Variants in NCOA2 observed in about 807,000 individuals in gnomAD.
NCOA2 encodes nuclear receptor coactivator 2.
NCOA2 carries 21 observed loss-of-function variants against 145.1 expected under a neutral mutation model. The observed-to-expected ratio is 0.14, with a 90% CI of 0.10 to 0.21. The LOEUF is 0.21. NCOA2 is among the 10% of genes least tolerant of loss of function. The pLI is 1.00. For synonymous variants in NCOA2, 619 were observed against 637.5 expected (o/e 0.97, Z 0.44); for missense variants, 1,472 against 1,837.6 (o/e 0.80, Z 3.64).
chr8:70,185,994 A>G (rs574176124), intron 4 of NCOA2, among the ~76,000 whole-genome samples: 1 of 151,660 alleles, frequency 6.6e-6, no homozygotes, highest in East Asian at 1.9e-4. Context: ...TTTTTAACCT[A>G]TTAGAAACTA....
At chr8:70,432,321 T>C in the NCOA2 span, among the ~76,000 whole-genome samples, 3 of 152,298 alleles carry the variant, frequency 2.0e-5, no homozygotes, top group East Asian at 5.8e-4. Context: ...GATGAGAGGG[T>C]CTTCATTTCA....
chr8:70,334,360 A>G (rs1024409530), intron 1 of NCOA2, among the ~76,000 whole-genome samples: 1 of 152,062 alleles, frequency 6.6e-6, no homozygotes, highest in Non-Finnish European at 1.5e-5. Context: ...CCTTCCCTGT[A>G]TCTTTCTGTG....
intron 1 of NCOA2, among the ~76,000 whole-genome samples, chr8:70,308,742 A>G (rs1828084568): frequency 6.6e-6 from 1 of 152,214 alleles, no homozygotes; most frequent in African/African-American, 2.4e-5. Flanking sequence ...AAGAGGAGCT[A>G]TTACCATTTG....
intron 2 of NCOA2, among the ~76,000 whole-genome samples, chr8:70,250,925 A>C (rs1409714094): frequency 6.6e-6 from 1 of 152,226 alleles, no homozygotes; most frequent in African/African-American, 2.4e-5. Flanking sequence ...TTATATGTTA[A>C]ATACATTTTT....
At chr8:70,388,865 A>G (rs917227616) in intron 1 of NCOA2, among the ~76,000 whole-genome samples, 5 of 152,196 alleles carry the variant, frequency 3.3e-5, no homozygotes, top group Non-Finnish European at 5.9e-5. Flanking sequence ...ACAGTTTACA[A>G]TTACTTAGTG....
intron 1 of NCOA2, chr8:70,402,622 C>G (rs1010832107): frequency 6.6e-6 from 1 of 151,946 alleles, no homozygotes; most frequent in Non-Finnish European, 1.5e-5. Flanking sequence ...AGGGCCGGGT[C>G]CCCGTGCCCG....
At chr8:70,220,177 T>C (rs1199947784) in intron 2 of NCOA2, among the ~76,000 whole-genome samples, 7 of 152,220 alleles carry the variant, frequency 4.6e-5, no homozygotes, top group Non-Finnish European at 8.8e-5. Context: ...CACTGAAGGT[T>C]CTAAAATTTC....
At chr8:70,408,247 T>C (rs1424822702), upstream of NCOA2, among the ~76,000 whole-genome samples, 1 of 152,190 alleles carries the variant, frequency 6.6e-6, no homozygotes, top group African/African-American at 2.4e-5. Flanking sequence ...ACCAAACTTA[T>C]TCACTAATGA....
chr8:70,130,234 T>G (rs1208945893), intron 16 of NCOA2, among the ~76,000 whole-genome samples: 1 of 152,210 alleles, frequency 6.6e-6, no homozygotes, highest in Non-Finnish European at 1.5e-5. Context: ...TAATTTGTAT[T>G]CTATACTTCC....
chr8:70,124,570 C>T (rs1808193735), intron 20 of NCOA2, 118 bp downstream of exon 20: 2 of 1,059,062 alleles, frequency 1.9e-6, no homozygotes, highest in Admixed American at 6.6e-5. Flanking sequence ...AGAAGCCATC[C>T]TTTATCACTA....
intron 1 of NCOA2, among the ~76,000 whole-genome samples, chr8:70,344,304 T>C (rs191703788): frequency 1.2e-3 from 188 of 152,224 alleles, no homozygotes; most frequent in African/African-American, 4.4e-3. Context: ...AGTTTGAGGG[T>C]AGGTACTAAG....
intron 1 of NCOA2, among the ~76,000 whole-genome samples, chr8:70,377,483 T>G (rs567489131): frequency 1.3e-5 from 2 of 152,166 alleles, no homozygotes; most frequent in Non-Finnish European, 2.9e-5. Context: ...CATTCTATCT[T>G]TAATCAGTTT....
At chr8:70,236,581 C>A (rs542308254) in intron 2 of NCOA2, among the ~76,000 whole-genome samples, 18 of 152,176 alleles carry the variant, frequency 1.2e-4, no homozygotes, top group Non-Finnish European at 1.8e-4. Flanking sequence ...AAATTCCCCT[C>A]TTCTGTCTTC....
chr8:70,151,985 G>C (rs1018267720), intron 11 of NCOA2, among the ~76,000 whole-genome samples: 5 of 151,908 alleles, frequency 3.3e-5, no homozygotes, highest in African/African-American at 1.2e-4. Context: ...AATTTTTGTA[G>C]GCTTTAATTC....
intron 1 of NCOA2, among the ~76,000 whole-genome samples, chr8:70,304,520 G>A (rs1037949702): frequency 6.6e-6 from 1 of 151,708 alleles, no homozygotes; most frequent in Non-Finnish European, 1.5e-5. Flanking sequence ...AGGCTGGAGT[G>A]CAGTGGCATG....
At chr8:70,222,973 T>G (rs1820291167) in intron 2 of NCOA2, among the ~76,000 whole-genome samples, 1 of 152,226 alleles carries the variant, frequency 6.6e-6, no homozygotes. Flanking sequence ...GTTACTGGAC[T>G]GCTTATATAT....
At chr8:70,296,495 T>A (rs568030403) in intron 2 of NCOA2, among the ~76,000 whole-genome samples, 17 of 152,326 alleles carry the variant, frequency 1.1e-4, no homozygotes, top group African/African-American at 3.4e-4. Flanking sequence ...CCAATGGGTA[T>A]AATGTAAACT....
At chr8:70,139,505 T>C (rs1810129261) in intron 14 of NCOA2, among the ~76,000 whole-genome samples, 1 of 152,162 alleles carries the variant, frequency 6.6e-6, no homozygotes, top group South Asian at 2.1e-4. Flanking sequence ...ATTAAGTACA[T>C]TCAATGTAGT....
intron 1 of NCOA2, among the ~76,000 whole-genome samples, chr8:70,314,079 C>T (rs1805352669): frequency 6.9e-6 from 1 of 144,650 alleles, no homozygotes; most frequent in Admixed American, 7.3e-5. Context: ...ACTCGGGAGG[C>T]TGAGGTAGGA....
Sources: allele counts gnomAD v4.1 joint callset (sites outside exome capture counted in the v4.1 genomes callset), GRCh38; gene constraint gnomAD v4.1.1; transcripts MANE v1.5; gene names NCBI Gene and HGNC (gene_info 2026-07-23, HGNC 2026-07-21).